BLTP1: variants seen among roughly 807,000 people sequenced by gnomAD.
The protein encoded by BLTP1 is fragile site-associated protein.
At chr4:122,244,053 C>G in the BLTP1 span, 10 of 1,547,294 alleles carry the variant, frequency 6.5e-6, no homozygotes, top group Non-Finnish European at 8.7e-6. Flanking sequence ...AGAAATACAA[C>G]TGTTGCTTTA....
At chr4:122,170,724 A>G in the BLTP1 span, 2 of 1,596,462 alleles carry the variant, frequency 1.3e-6, no homozygotes, top group Non-Finnish European at 1.7e-6. Flanking sequence ...CACAATTCCA[A>G]TGTTGTTTGG....
the BLTP1 span, chr4:122,255,328 G>T: frequency 7.5e-7 from 1 of 1,325,862 alleles, no homozygotes; most frequent in South Asian, 1.2e-5. Context: ...TCTCTATTCT[G>T]TTGGTGGACC....
the BLTP1 span, chr4:122,289,419 C>A: frequency 1.2e-6 from 1 of 814,934 alleles, no homozygotes; most frequent in Non-Finnish European, 1.5e-6. Context: ...CTTCAGAAAG[C>A]TCCTTTATGT....
At chr4:122,249,456 A>C in the BLTP1 span, 2 of 1,605,728 alleles carry the variant, frequency 1.2e-6, no homozygotes, top group South Asian at 1.1e-5. Flanking sequence ...GTCTTTAAAA[A>C]TGGTCATTTT....
At chr4:122,305,697 C>A in the BLTP1 span, 1 of 931,438 alleles carries the variant, frequency 1.1e-6, no homozygotes. Context: ...TCTTGCATGG[C>A]TATTTTGTAT....
chr4:122,152,331 G>A, the BLTP1 span: 6 of 985,540 alleles, frequency 6.1e-6, no homozygotes, highest in African/African-American at 1.0e-4. Context: ...TGACGCAGGC[G>A]CAGTGCCGCC....
the BLTP1 span, chr4:122,170,648 A>G: frequency 1.3e-6 from 2 of 1,566,608 alleles, no homozygotes; most frequent in Non-Finnish European, 1.7e-6. Flanking sequence ...AACTTTAGTA[A>G]TGGATCAAAG....
chr4:122,298,102 T>C, the BLTP1 span: 2 of 688,442 alleles, frequency 2.9e-6, no homozygotes, highest in Non-Finnish European at 3.6e-6. Flanking sequence ...ATTAGATACA[T>C]AGATAGATCA....
the BLTP1 span, chr4:122,196,700 A>C: frequency 5.0e-6 from 8 of 1,612,034 alleles, no homozygotes; most frequent in Non-Finnish European, 6.8e-6. Flanking sequence ...GAAATTGCAC[A>C]GCCTGGGAGA....
At chr4:122,273,250 T>C in the BLTP1 span, 1 of 971,882 alleles carries the variant, frequency 1.0e-6, no homozygotes. Context: ...CTTTTTGTTA[T>C]ATACCCTTCT....
the BLTP1 span, among the ~76,000 whole-genome samples, chr4:122,242,615 C>T: frequency 6.9e-4 from 105 of 152,242 alleles, 1 homozygote; most frequent in East Asian, 0.018. Context: ...ATATAAAATA[C>T]AAGACTAGTT....
At chr4:122,268,543 C>T in the BLTP1 span, among the ~76,000 whole-genome samples, 1 of 152,110 alleles carries the variant, frequency 6.6e-6, no homozygotes, top group Non-Finnish European at 1.5e-5. Flanking sequence ...TTTGCCTCCA[C>T]TGAGTTTTTC....
chr4:122,316,868 T>C, the BLTP1 span: 1 of 1,542,012 alleles, frequency 6.5e-7, no homozygotes, highest in East Asian at 2.3e-5. Context: ...CTGAAGTATG[T>C]ACAATGATTT....
the BLTP1 span, chr4:122,190,209 A>G: frequency 8.3e-7 from 1 of 1,202,446 alleles, no homozygotes; most frequent in Non-Finnish European, 1.1e-6. Context: ...CAATCCTCCT[A>G]CTTCAGCCTC....
At chr4:122,333,780 G>A in the BLTP1 span, 2 of 1,610,310 alleles carry the variant, frequency 1.2e-6, no homozygotes, top group Non-Finnish European at 1.7e-6. Flanking sequence ...AGAAACAACA[G>A]TATTTTACAT....
the BLTP1 span, chr4:122,279,971 C>A: frequency 1.2e-6 from 2 of 1,613,876 alleles, no homozygotes; most frequent in Non-Finnish European, 1.7e-6. Context: ...AATCAGACAG[C>A]CTTCTACAGC....
At chr4:122,251,128 G>A in the BLTP1 span, 1 of 982,090 alleles carries the variant, frequency 1.0e-6, no homozygotes, top group Non-Finnish European at 1.2e-6. Context: ...GTGACCTGGG[G>A]CAAGTTCCTA....
chr4:122,257,595 A>T, the BLTP1 span: 153 of 1,092,046 alleles, frequency 1.4e-4, no homozygotes, highest in Non-Finnish European at 2.0e-4. Flanking sequence ...CTTAGATATT[A>T]TGCATCTTTT....
chr4:122,347,247 G>A, the BLTP1 span: 9 of 983,376 alleles, frequency 9.2e-6, no homozygotes, highest in South Asian at 2.4e-4. Context: ...ACTAGAGTCA[G>A]TTACATAGAG....
Sources: gnomAD v4.1 joint callset for allele counts (sites outside exome capture counted in the v4.1 genomes callset) on GRCh38, gnomAD v4.1.1 for gene constraint, MANE v1.5 for transcripts, NCBI Gene and HGNC (gene_info 2026-07-23, HGNC 2026-07-21) for gene names.